GRIK2: variants seen among roughly 807,000 people sequenced by gnomAD.
The protein encoded by GRIK2 is glutamate ionotropic receptor kainate type subunit 2.
A neutral mutation model predicts 100.3 loss-of-function variants in GRIK2; 32 were observed. The ratio of observed to expected loss-of-function variants is 0.32; its 90% CI spans 0.24 to 0.43. The LOEUF is 0.43. Among genes scored for constraint, GRIK2 ranks in the 20% least tolerant of loss-of-function variants. The pLI, the probability that GRIK2 is intolerant of heterozygous loss-of-function variation, is 1.00. For missense variants in GRIK2, 843 were observed against 1,114.9 expected, an observed-to-expected ratio of 0.76 and a Z score of 3.47; for synonymous variants, 417 against 389.4, an observed-to-expected ratio of 1.07 and a Z score of -0.83.
intron 4 of GRIK2, among the ~76,000 whole-genome samples, chr6:101,653,812 G>A (rs561804529): frequency 6.3e-4 from 96 of 151,964 alleles, no homozygotes; most frequent in African/African-American, 2.1e-3. Context: ...GTAGAGATGG[G>A]GTTTCACTAT....
chr6:101,561,320 T>C (rs765168168), intron 2 of GRIK2, among the ~76,000 whole-genome samples: 6 of 150,222 alleles, frequency 4.0e-5, no homozygotes, highest in African/African-American at 7.4e-5. Context: ...AATTGGGAGC[T>C]AAAAAAGTAG....
chr6:101,638,690 G>A (rs1031805198), intron 4 of GRIK2, among the ~76,000 whole-genome samples: 8 of 151,872 alleles, frequency 5.3e-5, no homozygotes, highest in Non-Finnish European at 1.2e-4. Context: ...TTTGTTGTGT[G>A]TGTGTATGTA....
At chr6:101,764,910 G>C (rs981135329) in intron 7 of GRIK2, among the ~76,000 whole-genome samples, 1 of 151,526 alleles carries the variant, frequency 6.6e-6, no homozygotes, top group Non-Finnish European at 1.5e-5. Flanking sequence ...TCATTTTTCT[G>C]TGTGTGTGTG....
chr6:101,652,671 A>G (rs1399351976), intron 4 of GRIK2, among the ~76,000 whole-genome samples: 1 of 152,220 alleles, frequency 6.6e-6, no homozygotes, highest in Non-Finnish European at 1.5e-5. Flanking sequence ...TCTGCTGGGA[A>G]TAAATCAGGA....
intron 14 of GRIK2, among the ~76,000 whole-genome samples, chr6:101,969,395 T>G (rs1792896781): frequency 6.6e-6 from 1 of 152,042 alleles, no homozygotes; most frequent in African/African-American, 2.4e-5. Context: ...CTGTTTAATT[T>G]ATGTTATTTC....
chr6:101,838,443 A>G (rs1388713046), intron 10 of GRIK2, among the ~76,000 whole-genome samples: 1 of 152,134 alleles, frequency 6.6e-6, no homozygotes, highest in South Asian at 2.1e-4. Context: ...CAAAAAGGTC[A>G]TGGATTCCAG....
intron 15 of GRIK2, among the ~76,000 whole-genome samples, chr6:102,039,839 C>T (rs1277260684): frequency 6.6e-6 from 1 of 151,470 alleles, no homozygotes; most frequent in East Asian, 1.9e-4. Context: ...ACTGAAGGGT[C>T]TCATTAAGAT....
intron 16 of GRIK2, among the ~76,000 whole-genome samples, chr6:102,066,715 G>T (rs1772034758): frequency 6.6e-6 from 1 of 151,576 alleles, no homozygotes; most frequent in Non-Finnish European, 1.5e-5. Context: ...AAGAGGGCTA[G>T]ATCAGAGAAG....
intron 11 of GRIK2, among the ~76,000 whole-genome samples, chr6:101,886,416 G>A (rs150748853): frequency 6.6e-6 from 1 of 151,490 alleles, no homozygotes; most frequent in Non-Finnish European, 1.5e-5. Context: ...ATAATTAAAA[G>A]TATTATAGTA....
At chr6:101,486,396 G>GC (rs201494825) in intron 2 of GRIK2, among the ~76,000 whole-genome samples, 70 of 135,678 alleles carry the variant, frequency 5.2e-4, no homozygotes, top group Non-Finnish European at 9.1e-4. Flanking sequence ...TGGGGCGGGG[G>GC]GGGGAAGCTA....
intron 7 of GRIK2, among the ~76,000 whole-genome samples, chr6:101,714,409 A>G (rs1353188610): frequency 1.3e-5 from 2 of 151,702 alleles, no homozygotes; most frequent in Admixed American, 6.6e-5. Flanking sequence ...ATATTGATGT[A>G]TCTTACTTTA....
At chr6:101,945,745 G>A (rs189320388) in intron 14 of GRIK2, among the ~76,000 whole-genome samples, 1 of 152,144 alleles carries the variant, frequency 6.6e-6, no homozygotes, top group African/African-American at 2.4e-5. Context: ...TGTAAAGTGA[G>A]TTTTCTCTTT....
chr6:101,959,766 C>T (rs193272533), intron 14 of GRIK2, among the ~76,000 whole-genome samples: 1 of 151,820 alleles, frequency 6.6e-6, no homozygotes, highest in East Asian at 1.9e-4. Flanking sequence ...TGATTAGACA[C>T]TTCTCTCTTG....
intron 7 of GRIK2, among the ~76,000 whole-genome samples, chr6:101,713,328 T>A (rs765562693): frequency 4.0e-5 from 6 of 151,722 alleles, no homozygotes; most frequent in Non-Finnish European, 8.8e-5. Flanking sequence ...CCTTAAGGAC[T>A]TGTTAAACAG....
chr6:101,416,148 G>T (rs993035837), intron 2 of GRIK2, among the ~76,000 whole-genome samples: 4 of 152,196 alleles, frequency 2.6e-5, no homozygotes, highest in Admixed American at 2.6e-4. Flanking sequence ...AGTGTTTTAG[G>T]CCAGTGAGGT....
chr6:101,410,261 G>A (rs565841374), intron 2 of GRIK2, among the ~76,000 whole-genome samples: 1 of 152,154 alleles, frequency 6.6e-6, no homozygotes, highest in East Asian at 1.9e-4. Context: ...ATCTGCCTAT[G>A]ATGAACTTTT....
intron 14 of GRIK2, among the ~76,000 whole-genome samples, chr6:101,989,313 C>G (rs995910665): frequency 6.6e-6 from 1 of 151,640 alleles, no homozygotes; most frequent in Non-Finnish European, 1.5e-5. Context: ...TGCAAATAGT[C>G]CACTTCACAG....
At chr6:101,623,646 G>A (rs1780285375) in intron 3 of GRIK2, among the ~76,000 whole-genome samples, 1 of 152,098 alleles carries the variant, frequency 6.6e-6, no homozygotes, top group South Asian at 2.1e-4. Flanking sequence ...GTACTATCCT[G>A]GGAATGCCCT....
chr6:101,944,117 C>T (rs1168457444), intron 14 of GRIK2, among the ~76,000 whole-genome samples: 2 of 152,102 alleles, frequency 1.3e-5, no homozygotes, highest in African/African-American at 4.8e-5. Flanking sequence ...AAGTGTGTGG[C>T]ACCTACCCCT....
Sources: gnomAD v4.1 joint callset for allele counts (sites outside exome capture counted in the v4.1 genomes callset) on GRCh38, gnomAD v4.1.1 for gene constraint, MANE v1.5 for transcripts, NCBI Gene and HGNC (gene_info 2026-07-23, HGNC 2026-07-21) for gene names.